Variants in CNTNAP2 observed in about 807,000 individuals in gnomAD.
CNTNAP2 encodes contactin-associated protein-like 2.
Under a neutral mutation model 155.2 loss-of-function variants are expected in CNTNAP2, and 98 were observed. The ratio of observed to expected loss-of-function variants is 0.63; its 90% CI spans 0.54 to 0.75. CNTNAP2 has a LOEUF of 0.75. Among genes scored for constraint, CNTNAP2 ranks in the 30% least tolerant of loss-of-function variants. The pLI, the probability that CNTNAP2 is intolerant of heterozygous loss-of-function variation, is 0.00. For missense variants in CNTNAP2, 1,727 were observed against 1,688.1 expected, an observed-to-expected ratio of 1.02 and a Z score of -0.40; for synonymous variants, 651 against 631.2, an observed-to-expected ratio of 1.03 and a Z score of -0.47.
intron 21 of CNTNAP2, among the ~76,000 whole-genome samples, chr7:148,269,244 C>G (rs906599518): frequency 2.0e-5 from 3 of 152,086 alleles, no homozygotes; most frequent in Non-Finnish European, 2.9e-5. Flanking sequence ...GATCACTGAG[C>G]CTTAGATATT....
At chr7:147,734,686 C>A (rs113794856) in intron 13 of CNTNAP2, among the ~76,000 whole-genome samples, 11,135 of 152,138 alleles carry the variant, frequency 0.073, 478 homozygotes, top group African/African-American at 0.12. Context: ...TATTGCCTCA[C>A]TTTCAGAACC....
chr7:148,160,492 A>G (rs1805501219), intron 17 of CNTNAP2, among the ~76,000 whole-genome samples: 1 of 151,920 alleles, frequency 6.6e-6, no homozygotes, highest in Non-Finnish European at 1.5e-5. Flanking sequence ...TCCTGTTATA[A>G]CCTGGTATTT....
chr7:147,213,562 C>T (rs1422966350), intron 8 of CNTNAP2, among the ~76,000 whole-genome samples: 1 of 147,170 alleles, frequency 6.8e-6, no homozygotes, highest in Non-Finnish European at 1.5e-5. Context: ...CTCTTAAATG[C>T]CCTCATCGCA....
At chr7:146,849,601 T>C (rs892072454) in intron 3 of CNTNAP2, among the ~76,000 whole-genome samples, 2 of 152,186 alleles carry the variant, frequency 1.3e-5, no homozygotes, top group Non-Finnish European at 1.5e-5. Flanking sequence ...CTATGGGTCT[T>C]AGTTGCCTTA....
At chr7:146,205,361 A>C (rs2116875082) in intron 1 of CNTNAP2, among the ~76,000 whole-genome samples, 1 of 152,106 alleles carries the variant, frequency 6.6e-6, no homozygotes, top group Non-Finnish European at 1.5e-5. Context: ...ATATTTATGT[A>C]TTCTGAGTCA....
intron 8 of CNTNAP2, among the ~76,000 whole-genome samples, chr7:147,157,976 T>G (rs111911422): frequency 0.01 from 1,575 of 152,246 alleles, 29 homozygotes; most frequent in African/African-American, 0.036. Context: ...AATTTCACAT[T>G]AAATCAGCAA....
chr7:147,128,933 C>T, intron 7 of CNTNAP2, 97 bp downstream of exon 7: 1 of 1,515,950 alleles, frequency 6.6e-7, no homozygotes. Flanking sequence ...TGACATTTTT[C>T]ATCATATTTG....
At chr7:146,256,759 A>G (rs1799844665) in intron 1 of CNTNAP2, among the ~76,000 whole-genome samples, 1 of 152,132 alleles carries the variant, frequency 6.6e-6, no homozygotes, top group Non-Finnish European at 1.5e-5. Context: ...CAACACGGCA[A>G]TGCAGATATT....
intron 2 of CNTNAP2, among the ~76,000 whole-genome samples, chr7:146,823,730 GAGTC>G (rs1803343806): frequency 3.3e-5 from 5 of 151,656 alleles, no homozygotes; most frequent in African/African-American, 1.2e-4. Flanking sequence ...TTAAATAGTT[GAGTC>G]AGTATTATAT....
At chr7:148,169,291 G>A (rs748094083) in intron 17 of CNTNAP2, among the ~76,000 whole-genome samples, 5 of 152,150 alleles carry the variant, frequency 3.3e-5, no homozygotes, top group East Asian at 1.9e-4. Flanking sequence ...ATACAAAAAG[G>A]CACTGACCAA....
chr7:146,868,795 C>T (rs1562979985), intron 3 of CNTNAP2, among the ~76,000 whole-genome samples: 1 of 152,042 alleles, frequency 6.6e-6, no homozygotes. Context: ...TGGGATTGCC[C>T]TTCTGATTTG....
intron 1 of CNTNAP2, among the ~76,000 whole-genome samples, chr7:146,155,605 A>C (rs934244167): frequency 6.6e-6 from 1 of 151,966 alleles, no homozygotes; most frequent in East Asian, 1.9e-4. Context: ...AGAAGAAAGG[A>C]AATAAGTAAT....
intron 13 of CNTNAP2, among the ~76,000 whole-genome samples, chr7:147,838,861 A>G (rs189647405): frequency 4.1e-4 from 62 of 152,238 alleles, no homozygotes; most frequent in Middle Eastern, 3.4e-3. Flanking sequence ...GTATCTTTTC[A>G]GTAGGGCTCC....
At chr7:146,774,417 G>GT (rs1802352120) in intron 2 of CNTNAP2, 36 bp downstream of exon 2, 2 of 1,395,238 alleles carry the variant, frequency 1.4e-6, no homozygotes, top group African/African-American at 1.4e-5. Context: ...CAATAAACAT[G>GT]TTAAATAAGA....
chr7:147,114,036 A>G (rs189098687), intron 5 of CNTNAP2, among the ~76,000 whole-genome samples: 15 of 152,310 alleles, frequency 9.8e-5, no homozygotes, highest in Non-Finnish European at 1.9e-4. Context: ...TTAGTTTCAA[A>G]GAAATTCTTG....
At chr7:146,624,804 CAG>C (rs1460374590) in intron 1 of CNTNAP2, among the ~76,000 whole-genome samples, 1 of 151,878 alleles carries the variant, frequency 6.6e-6, no homozygotes, top group Non-Finnish European at 1.5e-5. Flanking sequence ...ATCTATAGGT[CAG>C]TGTAGAAAGA....
chr7:146,522,152 T>G (rs1374392894), intron 1 of CNTNAP2, among the ~76,000 whole-genome samples: 1 of 152,098 alleles, frequency 6.6e-6, no homozygotes, highest in Non-Finnish European at 1.5e-5. Flanking sequence ...GGCAATTTAA[T>G]GAGATACTTG....
intron 1 of CNTNAP2, among the ~76,000 whole-genome samples, chr7:146,296,765 C>T (rs1005244833): frequency 1.3e-5 from 2 of 151,896 alleles, no homozygotes; most frequent in South Asian, 2.1e-4. Flanking sequence ...TGTTTGTCAT[C>T]CTGTCACCTA....
intron 1 of CNTNAP2, among the ~76,000 whole-genome samples, chr7:146,556,240 T>C (rs1048652800): frequency 6.6e-6 from 1 of 152,286 alleles, no homozygotes; most frequent in East Asian, 1.9e-4. Flanking sequence ...TCCTTAAAAG[T>C]ACTTAGAATA....
Sources: allele counts gnomAD v4.1 joint callset (sites outside exome capture counted in the v4.1 genomes callset), GRCh38; gene constraint gnomAD v4.1.1; transcripts MANE v1.5; gene names NCBI Gene and HGNC (gene_info 2026-07-23, HGNC 2026-07-21).